SMAD3: variants seen among roughly 807,000 people sequenced by gnomAD.
SMAD3 encodes the protein SMAD family member 3.
In SMAD3, 12 loss-of-function variants were observed where a neutral mutation model predicts 51.8. The ratio of observed to expected loss-of-function variants is 0.23; its 90% CI spans 0.15 to 0.38. The LOEUF is 0.38. Among genes scored for constraint, SMAD3 ranks in the 10% least tolerant of loss-of-function variants. SMAD3 has a pLI of 1.00. For synonymous variants in SMAD3, 238 were observed against 227.7 expected (o/e 1.05, Z -0.41); for missense variants, 294 against 565.6 (o/e 0.52, Z 4.87).
At chr15:67,175,724 A>T (rs952341523) in intron 5 of SMAD3, among the ~76,000 whole-genome samples, 2 of 152,120 alleles carry the variant, frequency 1.3e-5, no homozygotes, top group Admixed American at 1.3e-4. Context: ...CCTCTGCTTC[A>T]TGAGCCCCTG....
intron 1 of SMAD3, among the ~76,000 whole-genome samples, chr15:67,115,469 C>T (rs1961114296): frequency 6.6e-6 from 1 of 152,206 alleles, no homozygotes; most frequent in Non-Finnish European, 1.5e-5. Context: ...GTTGCTATTT[C>T]CATCTACTTT....
chr15:67,177,642 C>T (rs1412095037), intron 5 of SMAD3, among the ~76,000 whole-genome samples: 7 of 151,690 alleles, frequency 4.6e-5, no homozygotes, highest in African/African-American at 9.7e-5. Context: ...AGGCTGGTCT[C>T]GAAATCCTGA....
chr15:67,070,406 G>A (rs1007406757), intron 1 of SMAD3, among the ~76,000 whole-genome samples: 1 of 152,124 alleles, frequency 6.6e-6, no homozygotes, highest in Non-Finnish European at 1.5e-5. Context: ...CTTGGAACAT[G>A]CTGCTTGCAC....
chr15:67,105,457 C>T lies in SMAD3; in HGVS notation c.206+39097C>T, dbSNP rs118037087. 2.1e-3 allele frequency among the ~76,000 whole-genome samples: 320 copies of T among 152,232 alleles called. 2 individuals carry two copies. The East Asian group carries it at 0.032, about 15-fold the overall frequency. ...GGCTGTTGGGTAAGCAGAGCCCCTACGGGAAGCAAAGAGTATTATTCAGCC... is the reference window on the plus strand; with the variant it reads ...GGCTGTTGGGTAAGCAGAGCCCCTATGGGAAGCAAAGAGTATTATTCAGCC... On this transcript the variant is annotated intron_variant, in intron 1 of 8. Transcript: ENST00000327367.
intron 5 of SMAD3, among the ~76,000 whole-genome samples, chr15:67,180,964 T>A (rs1963034558): frequency 7.4e-6 from 1 of 135,970 alleles, no homozygotes. Context: ...GGGCAGGGCC[T>A]TTATGAGCTA....
At chr15:67,102,107 GA>G (rs1463715030) in intron 1 of SMAD3, among the ~76,000 whole-genome samples, 1 of 152,188 alleles carries the variant, frequency 6.6e-6, no homozygotes, top group Non-Finnish European at 1.5e-5. Context: ...CTGCCTTCCG[GA>G]AGTTCATGGT....
rs775658712 is a variant in SMAD3, at chr15:67,190,583, T to C, written c.*47T>C. On this transcript the variant is annotated 3_prime_UTR_variant, in exon 9 of 9. Coordinates refer to ENST00000327367, the MANE Select transcript of SMAD3 (RefSeq NM_005902.4). ...AGGGCAGGCTTGGGGAAAATGGCCA[T>C]GCAGGAGGTGGAGAAAATTGGAACT... The C allele has an allele frequency of 1.9e-6, 3 of 1,600,720 alleles. No individual in the cohort carries two copies. Among genetic ancestry groups the C allele is most frequent in the African/African-American group, 1.3e-5 (1 of 74,632 alleles).
intron 1 of SMAD3, among the ~76,000 whole-genome samples, chr15:67,074,638 T>TA (rs924042036): frequency 1.3e-5 from 2 of 152,238 alleles, no homozygotes; most frequent in Admixed American, 6.5e-5. Context: ...GCCGGTAGTT[T>TA]AGGACTCCAG....
chr15:67,122,899 C>G (rs974230011), intron 1 of SMAD3, among the ~76,000 whole-genome samples: 2 of 152,128 alleles, frequency 1.3e-5, no homozygotes, highest in Non-Finnish European at 2.9e-5. Flanking sequence ...GTTTTAAATA[C>G]TTGCGTCCGG....
At chr15:67,083,080 A>G (rs752176090) in intron 1 of SMAD3, among the ~76,000 whole-genome samples, 6 of 152,192 alleles carry the variant, frequency 3.9e-5, no homozygotes, top group Non-Finnish European at 5.9e-5. Context: ...ACCAACAGCT[A>G]CTTTCCTGGA....
intron 1 of SMAD3, among the ~76,000 whole-genome samples, chr15:67,161,957 G>C (rs1410528198): frequency 3.9e-5 from 6 of 152,130 alleles, no homozygotes; most frequent in African/African-American, 1.2e-4. Context: ...CGAGTCCCAG[G>C]CTGTCTTCTC....
intron 1 of SMAD3, among the ~76,000 whole-genome samples, chr15:67,160,770 C>CAAAAAAAAAAAAAAAAAAAAAA (rs547354315): frequency 4.9e-5 from 3 of 61,004 alleles, no homozygotes; most frequent in African/African-American, 1.5e-4. Flanking sequence ...GACTCCATCT[C>CAAAAAAAAAAAAAAAAAAAAAA]AAAAAAAAAA....
intron 1 of SMAD3, among the ~76,000 whole-genome samples, chr15:67,112,522 G>GAT (rs1961041648): frequency 7.5e-6 from 1 of 132,922 alleles, no homozygotes; most frequent in African/African-American, 3.0e-5. Flanking sequence ...ATATATTCTG[G>GAT]ATATAAATTC....
At chr15:67,087,344 G>C in intron 1 of SMAD3, among the ~76,000 whole-genome samples, 1 of 152,132 alleles carries the variant, frequency 6.6e-6, no homozygotes, top group Non-Finnish European at 1.5e-5. Flanking sequence ...GCAAGTGGGG[G>C]GGTGTTCTTT....
At chr15:67,095,621 C>G (rs990807644) in intron 1 of SMAD3, among the ~76,000 whole-genome samples, 1 of 152,060 alleles carries the variant, frequency 6.6e-6, no homozygotes, top group East Asian at 1.9e-4. Flanking sequence ...TAACCTCTGC[C>G]TGCGGGTTCA....
At chr15:67,123,188 C>CAAAA (rs34458678) in intron 1 of SMAD3, among the ~76,000 whole-genome samples, 8 of 93,768 alleles carry the variant, frequency 8.5e-5, no homozygotes, top group African/African-American at 3.4e-4. Flanking sequence ...GACCCTGTCT[C>CAAAA]AAAAAAAAAA....
At chr15:67,164,759 TCTC>T in intron 1 of SMAD3, 133 bp from the exon 2 acceptor site, 1 of 942,234 alleles carries the variant, frequency 1.1e-6, no homozygotes. Flanking sequence ...AGTGCTCTGA[TCTC>T]CTGGACCTCT....
intron 1 of SMAD3, among the ~76,000 whole-genome samples, chr15:67,093,231 ACTTTT>A (rs1960545702): frequency 6.6e-6 from 1 of 152,146 alleles, no homozygotes; most frequent in Non-Finnish European, 1.5e-5. Context: ...TCTGAGATGT[ACTTTT>A]CTTATCTGTA....
At chr15:67,190,314 A>T in intron 8 of SMAD3, 99 bp from the exon 9 acceptor site, 1 of 1,147,878 alleles carries the variant, frequency 8.7e-7, no homozygotes, top group East Asian at 2.3e-5. Context: ...CATCTTTGGG[A>T]AGATGACTGT....
Sources: gnomAD v4.1 joint callset for allele counts (sites outside exome capture counted in the v4.1 genomes callset) on GRCh38, gnomAD v4.1.1 for gene constraint, MANE v1.5 for transcripts, NCBI Gene and HGNC (gene_info 2026-07-23, HGNC 2026-07-21) for gene names.